Variants in MAGI2 observed in about 807,000 individuals in gnomAD.
MAGI2 encodes membrane-associated guanylate kinase, WW and PDZ domain-containing protein 2.
MAGI2 carries 35 observed loss-of-function variants against 133.3 expected under a neutral mutation model. That is an observed-to-expected ratio of 0.26 (90% CI 0.20 to 0.35). The LOEUF (loss-of-function observed/expected upper bound fraction) is 0.35. Ranked by LOEUF, MAGI2 falls within the 10% of genes least tolerant of loss-of-function variation. The probability of loss-of-function intolerance (pLI) is 1.00; values close to 1 mark genes in which losing one functional copy is unlikely to be tolerated. For synonymous variants in MAGI2, 729 were observed against 710.6 expected (o/e 1.03, Z -0.41); for missense variants, 1,636 against 1,863.4 (o/e 0.88, Z 2.25).
At chr7:78,697,725 T>C (rs1817662271) in intron 2 of MAGI2, among the ~76,000 whole-genome samples, 1 of 152,214 alleles carries the variant, frequency 6.6e-6, no homozygotes, top group Non-Finnish European at 1.5e-5. Context: ...TGCCATTTCC[T>C]GTAATGAATA....
At chr7:79,297,605 T>G (rs1490808450) in intron 1 of MAGI2, among the ~76,000 whole-genome samples, 3 of 152,184 alleles carry the variant, frequency 2.0e-5, no homozygotes, top group African/African-American at 7.2e-5. Flanking sequence ...AATCAAAAGG[T>G]CTATAGAGCT....
chr7:78,805,712 G>T (rs1788520343), intron 2 of MAGI2, among the ~76,000 whole-genome samples: 1 of 152,104 alleles, frequency 6.6e-6, no homozygotes, highest in African/African-American at 2.4e-5. Context: ...CATTCACTCT[G>T]GGAAAGCCAA....
intron 6 of MAGI2, among the ~76,000 whole-genome samples, chr7:78,449,304 T>C (rs918967999): frequency 6.6e-6 from 1 of 152,026 alleles, no homozygotes; most frequent in Admixed American, 6.6e-5. Flanking sequence ...TACACTACCG[T>C]CAGGATTTTT....
chr7:78,191,062 T>C (rs2150726279), intron 12 of MAGI2, among the ~76,000 whole-genome samples: 1 of 152,314 alleles, frequency 6.6e-6, no homozygotes, highest in Admixed American at 6.5e-5. Context: ...TTTTGTTCTT[T>C]TCTGGGAATT....
At chr7:79,169,729 T>TA (rs1380631596) in intron 1 of MAGI2, among the ~76,000 whole-genome samples, 2 of 152,128 alleles carry the variant, frequency 1.3e-5, no homozygotes, top group Non-Finnish European at 2.9e-5. Flanking sequence ...TTACTGAACT[T>TA]ACAATTAAAT....
intron 1 of MAGI2, among the ~76,000 whole-genome samples, chr7:79,014,183 A>G (rs991875626): frequency 2.0e-5 from 3 of 152,174 alleles, no homozygotes; most frequent in Non-Finnish European, 4.4e-5. Flanking sequence ...AGCTCAATTG[A>G]AAATAGCTTT....
intron 1 of MAGI2, among the ~76,000 whole-genome samples, chr7:79,044,625 GTCAAACT>G (rs1415549040): frequency 6.6e-6 from 1 of 151,962 alleles, no homozygotes; most frequent in Non-Finnish European, 1.5e-5. Flanking sequence ...AAGAAAGGAA[GTCAAACT>G]ATCTATTTTG....
chr7:78,439,717 C>T (rs1415994255), intron 6 of MAGI2, among the ~76,000 whole-genome samples: 1 of 152,152 alleles, frequency 6.6e-6, no homozygotes, highest in East Asian at 1.9e-4. Context: ...AACTCTATTT[C>T]TCACTGCTTA....
At chr7:78,269,749 T>C (rs1794378944) in intron 9 of MAGI2, among the ~76,000 whole-genome samples, 1 of 152,242 alleles carries the variant, frequency 6.6e-6, no homozygotes, top group African/African-American at 2.4e-5. Flanking sequence ...TAGTTCCTTT[T>C]GCTGTGCAGA....
intron 1 of MAGI2, among the ~76,000 whole-genome samples, chr7:79,352,339 G>A (rs1563143519): frequency 6.6e-6 from 1 of 152,198 alleles, no homozygotes; most frequent in Non-Finnish European, 1.5e-5. Flanking sequence ...GGTCAACCAA[G>A]CAGAGACCAC....
chr7:78,267,713 C>T (rs1351864828), intron 9 of MAGI2, among the ~76,000 whole-genome samples: 3 of 152,140 alleles, frequency 2.0e-5, no homozygotes, highest in African/African-American at 4.8e-5. Context: ...CAGACATCTA[C>T]TACTTTCTCC....
At chr7:79,300,908 A>AG (rs562545421) in intron 1 of MAGI2, among the ~76,000 whole-genome samples, 11 of 152,228 alleles carry the variant, frequency 7.2e-5, no homozygotes, top group Non-Finnish European at 1.3e-4. Context: ...CCTTAGCTCA[A>AG]GGGGGTCCAG....
rs72030909 is a variant in MAGI2, at chr7:78,687,969, T to TAAAAAAAAAAA, written c.419-60741_419-60731dup. Among the ~76,000 whole-genome samples the TAAAAAAAAAAA allele has an allele frequency of 1.7e-3, 115 of 67,228 alleles. 1 individual carries two copies. Among genetic ancestry groups the TAAAAAAAAAAA allele is most frequent in the Middle Eastern group, 9.4e-3 (1 of 106 alleles). The allele number at this position is 67,228 out of a possible 152,430, so 44.1% of individuals were successfully genotyped here. A position where few individuals can be genotyped will look rare whatever the true frequency, so the allele number is the denominator to read the frequency against. Reference sequence around the variant, plus strand: ...TGGGCAAGAGAGTGAGTCCTTGCCTTAAAAAAAAAAAAAAAAAAAAAAAAA... The same window carrying TAAAAAAAAAAA: ...TGGGCAAGAGAGTGAGTCCTTGCCTTAAAAAAAAAAAAAAAAAAAAAAAAAAAAAAAAAAAA... On this transcript the variant is annotated intron_variant, in intron 2 of 21. Coordinates refer to ENST00000354212, the MANE Select transcript of MAGI2 (RefSeq NM_012301.4).
chr7:78,272,414 C>T (rs1235467590), intron 9 of MAGI2, among the ~76,000 whole-genome samples: 4 of 152,160 alleles, frequency 2.6e-5, no homozygotes, highest in Admixed American at 2.6e-4. Flanking sequence ...AATGTATATT[C>T]TGTTGATTTC....
chr7:78,955,718 TCTTTC>T (rs756315282), intron 2 of MAGI2, among the ~76,000 whole-genome samples: 4,644 of 134,962 alleles, frequency 0.034, 234 homozygotes, highest in Admixed American at 0.088. Flanking sequence ...TCTTTTTCTT[TCTTTC>T]TCTTTCTTTC....
chr7:78,255,619 T>C (rs1792885267), intron 10 of MAGI2: 6 of 533,810 alleles, frequency 1.1e-5, no homozygotes, highest in Non-Finnish European at 2.0e-5. Context: ...GTTTGAGTTC[T>C]CCATGACCGA....
chr7:78,404,104 A>G (rs1481800719), intron 6 of MAGI2, among the ~76,000 whole-genome samples: 6 of 152,248 alleles, frequency 3.9e-5, no homozygotes, highest in Non-Finnish European at 5.9e-5. Flanking sequence ...AATCCCACTT[A>G]CAAGGATTCC....
At chr7:78,895,569 A>C (rs1172492114) in intron 2 of MAGI2, among the ~76,000 whole-genome samples, 1 of 151,092 alleles carries the variant, frequency 6.6e-6, no homozygotes, top group East Asian at 1.9e-4. Context: ...CAGTGCTATA[A>C]ATTAACCCCA....
At chr7:79,437,052 T>C (rs1040403125) in intron 1 of MAGI2, among the ~76,000 whole-genome samples, 1 of 152,118 alleles carries the variant, frequency 6.6e-6, no homozygotes, top group Non-Finnish European at 1.5e-5. Context: ...TGCAGCAACA[T>C]GGATGCATGG....
Sources: gnomAD v4.1 joint callset for allele counts (sites outside exome capture counted in the v4.1 genomes callset) on GRCh38, gnomAD v4.1.1 for gene constraint, MANE v1.5 for transcripts, NCBI Gene and HGNC (gene_info 2026-07-23, HGNC 2026-07-21) for gene names.